CA10: variants seen among roughly 807,000 people sequenced by gnomAD.
The protein encoded by CA10 is carbonic anhydrase 10 (inactive), also known as carbonic anhydrase-related protein 10.
CA10 carries 14 observed loss-of-function variants against 44.2 expected under a neutral mutation model. The ratio of observed to expected loss-of-function variants is 0.32; its 90% CI spans 0.21 to 0.50. CA10 has a LOEUF of 0.50. Among genes scored for constraint, CA10 ranks in the 20% least tolerant of loss-of-function variants. CA10 has a pLI of 0.99. For missense variants in CA10, 350 were observed against 409.7 expected (o/e 0.85, Z 1.26); for synonymous variants, 159 against 141.6 (o/e 1.12, Z -0.87).
chr17:51,690,590 A>G (rs947896867), intron 4 of CA10, among the ~76,000 whole-genome samples: 3 of 152,140 alleles, frequency 2.0e-5, no homozygotes, highest in Non-Finnish European at 2.9e-5. Context: ...GTGATAGTGA[A>G]TAAGTCTCAT....
intron 2 of CA10, among the ~76,000 whole-genome samples, chr17:52,062,572 C>G (rs1194017755): frequency 1.3e-5 from 2 of 152,190 alleles, no homozygotes; most frequent in Non-Finnish European, 2.9e-5. Flanking sequence ...CGAGTTACCC[C>G]GAAGCCACTT....
intron 1 of CA10, among the ~76,000 whole-genome samples, chr17:52,085,828 G>T (rs916605899): frequency 6.6e-6 from 1 of 152,078 alleles, no homozygotes; most frequent in Admixed American, 6.6e-5. Flanking sequence ...GGTGATGTTT[G>T]CCATGTGTTC....
intron 1 of CA10, among the ~76,000 whole-genome samples, chr17:52,144,856 C>T (rs1598238660): frequency 6.6e-6 from 1 of 152,290 alleles, no homozygotes; most frequent in East Asian, 1.9e-4. Flanking sequence ...TGCCAAACAC[C>T]AGGCTCCATT....
intron 2 of CA10, among the ~76,000 whole-genome samples, chr17:51,953,675 C>T (rs1049047530): frequency 6.6e-5 from 10 of 151,884 alleles, no homozygotes; most frequent in African/African-American, 2.4e-4. Flanking sequence ...TTATAGTGTA[C>T]AATATATTTG....
At chr17:51,947,224 C>CAAAAA (rs1198796736) in intron 2 of CA10, among the ~76,000 whole-genome samples, 2 of 52,116 alleles carry the variant, frequency 3.8e-5, no homozygotes, top group Non-Finnish European at 7.3e-5. Context: ...TCTTCATGTG[C>CAAAAA]AAAAAAAAAA....
At chr17:51,780,265 G>A (rs961111276) in intron 3 of CA10, among the ~76,000 whole-genome samples, 2 of 152,246 alleles carry the variant, frequency 1.3e-5, no homozygotes, top group South Asian at 4.1e-4. Context: ...GGGCAGGGAG[G>A]GACATTTGAG....
At chr17:51,814,481 A>C (rs1907491929) in intron 3 of CA10, among the ~76,000 whole-genome samples, 1 of 152,220 alleles carries the variant, frequency 6.6e-6, no homozygotes, top group South Asian at 2.1e-4. Flanking sequence ...CTACTTAGAA[A>C]AAAGGGCAAG....
intron 2 of CA10, among the ~76,000 whole-genome samples, chr17:51,937,522 GT>G (rs1437491414): frequency 2.0e-5 from 3 of 152,106 alleles, no homozygotes; most frequent in African/African-American, 7.2e-5. Context: ...ATTGTTAAAG[GT>G]AAGTTCTCCC....
chr17:51,641,556 T>A (rs990132228), intron 6 of CA10, among the ~76,000 whole-genome samples: 4 of 152,220 alleles, frequency 2.6e-5, no homozygotes, highest in Non-Finnish European at 5.9e-5. Flanking sequence ...GTAGAATATA[T>A]GTGTGTATTT....
At chr17:51,649,786 G>A (rs1418022644) in intron 5 of CA10, among the ~76,000 whole-genome samples, 1 of 151,716 alleles carries the variant, frequency 6.6e-6, no homozygotes, top group East Asian at 1.9e-4. Flanking sequence ...AGGCTTTTAA[G>A]CAAGGTAGGG....
At chr17:51,772,039 G>T (rs1007776304) in intron 3 of CA10, among the ~76,000 whole-genome samples, 1 of 152,126 alleles carries the variant, frequency 6.6e-6, no homozygotes. Flanking sequence ...GGAGTGCTCT[G>T]CATTGCTGCT....
Position 51,713,642 on chromosome 17 carries a change from A to G in CA10, c.465+33991T>C, listed in dbSNP as rs538627355. 1.9e-3 allele frequency among the ~76,000 whole-genome samples: 293 copies of G among 152,270 alleles called. 2 individuals carry two copies. Among genetic ancestry groups the G allele is most frequent in the African/African-American group, 6.7e-3 (279 of 41,548 alleles). On this transcript the variant is annotated intron_variant, in intron 4 of 8. Coordinates refer to ENST00000451037, the MANE Select transcript of CA10 (RefSeq NM_020178.5). Reference sequence around the variant, plus strand: ...CATCTGTTGTTATCTTGCCCAGCATATATTTATTTATCCCTCTTCCCTTGG... The same window carrying G: ...CATCTGTTGTTATCTTGCCCAGCATGTATTTATTTATCCCTCTTCCCTTGG...
chr17:51,832,810 A>G (rs1908331095), intron 3 of CA10, among the ~76,000 whole-genome samples: 1 of 152,202 alleles, frequency 6.6e-6, no homozygotes, highest in Non-Finnish European at 1.5e-5. Context: ...GAACAACACA[A>G]GAAAGGACAT....
At chr17:51,733,828 G>T (rs1267594797) in intron 4 of CA10, among the ~76,000 whole-genome samples, 1 of 152,156 alleles carries the variant, frequency 6.6e-6, no homozygotes, top group Non-Finnish European at 1.5e-5. Context: ...TCCTGGGGTT[G>T]CTTCCTAGGG....
chr17:52,002,766 T>C, intron 2 of CA10, among the ~76,000 whole-genome samples: 1 of 151,950 alleles, frequency 6.6e-6, no homozygotes, highest in Admixed American at 6.6e-5. Context: ...TCCGTAGACA[T>C]TTCCACATTC....
chr17:51,902,035 T>G (rs1463791607), intron 3 of CA10, among the ~76,000 whole-genome samples: 2 of 152,152 alleles, frequency 1.3e-5, no homozygotes, highest in Non-Finnish European at 2.9e-5. Flanking sequence ...AAGGTAAAAC[T>G]ATGTGTAGTT....
intron 1 of CA10, among the ~76,000 whole-genome samples, chr17:52,073,925 T>G (rs940491852): frequency 5.9e-5 from 9 of 151,978 alleles, no homozygotes; most frequent in African/African-American, 2.2e-4. Flanking sequence ...AGCCAGGAGG[T>G]CTTTAGACCC....
chr17:52,151,791 A>G (rs908338345), intron 1 of CA10, among the ~76,000 whole-genome samples: 2 of 152,114 alleles, frequency 1.3e-5, no homozygotes, highest in Non-Finnish European at 2.9e-5. Context: ...TACATTTTCT[A>G]TACCTCACAT....
intron 2 of CA10, among the ~76,000 whole-genome samples, chr17:51,973,664 A>C (rs1013327194): frequency 6.6e-6 from 1 of 152,220 alleles, no homozygotes; most frequent in Non-Finnish European, 1.5e-5. Flanking sequence ...CGAGCCTTAA[A>C]GTAGTCTTTA....
Sources: gnomAD v4.1 joint callset for allele counts (sites outside exome capture counted in the v4.1 genomes callset) on GRCh38, gnomAD v4.1.1 for gene constraint, MANE v1.5 for transcripts, NCBI Gene and HGNC (gene_info 2026-07-23, HGNC 2026-07-21) for gene names.